Variants in PTPRM observed in about 807,000 individuals in gnomAD.
PTPRM encodes protein tyrosine phosphatase receptor type M.
PTPRM carries 47 observed loss-of-function variants against 186.7 expected under a neutral mutation model. The ratio of observed to expected loss-of-function variants is 0.25; its 90% CI spans 0.20 to 0.32. The LOEUF is 0.32. Among genes scored for constraint, PTPRM ranks in the 10% least tolerant of loss-of-function variants. The pLI, the probability that PTPRM is intolerant of heterozygous loss-of-function variation, is 1.00. For missense variants in PTPRM, 1,494 were observed against 1,865.0 expected, an observed-to-expected ratio of 0.80 and a Z score of 3.66; for synonymous variants, 668 against 674.9, an observed-to-expected ratio of 0.99 and a Z score of 0.16.
At chr18:7,604,600 T>C (rs2037485284) in intron 1 of PTPRM, among the ~76,000 whole-genome samples, 2 of 152,220 alleles carry the variant, frequency 1.3e-5, no homozygotes. Context: ...GCTGAATTTA[T>C]GAATATGGAA....
At chr18:8,316,136 C>T (rs1234308728) in intron 21 of PTPRM, among the ~76,000 whole-genome samples, 1 of 152,210 alleles carries the variant, frequency 6.6e-6, no homozygotes, top group Admixed American at 6.5e-5. Context: ...ATCCAGTCCA[C>T]TTACCTCCAG....
intron 11 of PTPRM, among the ~76,000 whole-genome samples, chr18:8,104,339 G>C (rs1266592240): frequency 6.6e-6 from 1 of 152,026 alleles, no homozygotes; most frequent in Non-Finnish European, 1.5e-5. Context: ...GGAATCTCTG[G>C]GGTTTATCCC....
intron 27 of PTPRM, among the ~76,000 whole-genome samples, chr18:8,378,720 C>T (rs77776255): frequency 0.034 from 5,236 of 152,314 alleles, 138 homozygotes; most frequent in East Asian, 0.088. Context: ...GTCCCCAACA[C>T]CATGGCTCCT....
intron 1 of PTPRM, among the ~76,000 whole-genome samples, chr18:7,711,390 CA>C (rs1213623395): frequency 1.3e-5 from 2 of 152,198 alleles, no homozygotes; most frequent in Non-Finnish European, 2.9e-5. Flanking sequence ...GGGTTTCAAG[CA>C]CAAAACTGGG....
chr18:7,779,025 A>C (rs2042727911), intron 2 of PTPRM, among the ~76,000 whole-genome samples: 1 of 152,206 alleles, frequency 6.6e-6, no homozygotes, highest in Non-Finnish European at 1.5e-5. Flanking sequence ...GTTCTATATA[A>C]TTGATACTTA....
chr18:7,633,242 T>C (rs998693301), intron 1 of PTPRM, among the ~76,000 whole-genome samples: 1 of 152,134 alleles, frequency 6.6e-6, no homozygotes, highest in East Asian at 1.9e-4. Flanking sequence ...AAGAAACATA[T>C]TGCTGGTAAA....
chr18:7,731,939 T>C (rs568783764), intron 1 of PTPRM, among the ~76,000 whole-genome samples: 2 of 152,322 alleles, frequency 1.3e-5, no homozygotes, highest in African/African-American at 4.8e-5. Context: ...GAATAATTTG[T>C]ACATCTGCAG....
At chr18:8,281,083 AAAGGAAGTG>A (rs1385248947) in intron 19 of PTPRM, among the ~76,000 whole-genome samples, 1 of 152,220 alleles carries the variant, frequency 6.6e-6, no homozygotes, top group Non-Finnish European at 1.5e-5. Flanking sequence ...CCAGCTTTGC[AAAGGAAGTG>A]AAGGAAGGGC....
chr18:8,072,329 A>G (rs2089532887), intron 8 of PTPRM, among the ~76,000 whole-genome samples: 1 of 152,210 alleles, frequency 6.6e-6, no homozygotes, highest in African/African-American at 2.4e-5. Context: ...GAGAACTGTC[A>G]TGAGCTAGGA....
chr18:7,825,468 G>C (rs903514338), intron 2 of PTPRM, among the ~76,000 whole-genome samples: 4 of 152,112 alleles, frequency 2.6e-5, no homozygotes, highest in Non-Finnish European at 5.9e-5. Flanking sequence ...GTATAATGAA[G>C]GTTTTTGAAA....
At chr18:7,694,370 T>C (rs1470917618) in intron 1 of PTPRM, among the ~76,000 whole-genome samples, 1 of 152,072 alleles carries the variant, frequency 6.6e-6, no homozygotes, top group Non-Finnish European at 1.5e-5. Context: ...TGCCTTTGAA[T>C]TTGATTAGGT....
chr18:8,187,905 C>T, intron 14 of PTPRM, among the ~76,000 whole-genome samples: 1 of 152,178 alleles, frequency 6.6e-6, no homozygotes, highest in Non-Finnish European at 1.5e-5. Flanking sequence ...ATTCCATTCG[C>T]CTTTTGGAGA....
chr18:8,070,591 C>T (rs77911034), intron 8 of PTPRM, among the ~76,000 whole-genome samples: 3,401 of 152,072 alleles, frequency 0.022, 54 homozygotes, highest in African/African-American at 0.047. Flanking sequence ...AGTAACGCAT[C>T]AAAAAAGCAA....
chr18:7,762,632 AGT>A (rs2041831310), intron 1 of PTPRM, among the ~76,000 whole-genome samples: 1 of 152,064 alleles, frequency 6.6e-6, no homozygotes, highest in South Asian at 2.1e-4. Flanking sequence ...GCTTGTTGGG[AGT>A]GTGTGGGATA....
intron 7 of PTPRM, among the ~76,000 whole-genome samples, chr18:8,021,311 A>T (rs1316071821): frequency 8.1e-6 from 1 of 123,552 alleles, no homozygotes; most frequent in African/African-American, 3.3e-5. Flanking sequence ...GCTTAAGCAT[A>T]AAAGAGACAC....
At chr18:8,220,154 T>G (rs1343818312) in intron 14 of PTPRM, among the ~76,000 whole-genome samples, 1 of 152,104 alleles carries the variant, frequency 6.6e-6, no homozygotes, top group African/African-American at 2.4e-5. Context: ...ATGAAATTGC[T>G]GAAGAAACAT....
chr18:7,678,407 G>C (rs2039399745), intron 1 of PTPRM, among the ~76,000 whole-genome samples: 1 of 152,178 alleles, frequency 6.6e-6, no homozygotes, highest in Admixed American at 6.5e-5. Context: ...GATTGCATCA[G>C]GGATGGAGTT....
At chr18:7,859,952 G>C (rs2047280772) in intron 2 of PTPRM, among the ~76,000 whole-genome samples, 1 of 152,104 alleles carries the variant, frequency 6.6e-6, no homozygotes, top group Admixed American at 6.5e-5. Flanking sequence ...AGAGAACCCA[G>C]GCAAAAGTAC....
At chr18:7,730,780 C>A (rs1344499796) in intron 1 of PTPRM, among the ~76,000 whole-genome samples, 1 of 152,148 alleles carries the variant, frequency 6.6e-6, no homozygotes, top group African/African-American at 2.4e-5. Flanking sequence ...CAAAATACTG[C>A]AGATTTGTTG....
Sources: gnomAD v4.1 joint callset for allele counts (sites outside exome capture counted in the v4.1 genomes callset) on GRCh38, gnomAD v4.1.1 for gene constraint, MANE v1.5 for transcripts, NCBI Gene and HGNC (gene_info 2026-07-23, HGNC 2026-07-21) for gene names.